Variants in RAB11FIP3 observed in about 807,000 individuals in gnomAD.
RAB11FIP3 encodes RAB11 family interacting protein 3.
RAB11FIP3 carries 17 observed loss-of-function variants against 77.8 expected under a neutral mutation model. The observed-to-expected ratio is 0.22, with a 90% CI of 0.15 to 0.33. The LOEUF is 0.33. Ranked by LOEUF, RAB11FIP3 falls within the 10% of genes least tolerant of loss-of-function variation. The pLI is 1.00. For missense variants in RAB11FIP3, 1,005 were observed against 1,011.2 expected (o/e 0.99, Z 0.08); for synonymous variants, 437 against 448.2 (o/e 0.98, Z 0.31).
chr16:503,338 A>C (rs1486686433), intron 7 of RAB11FIP3, among the ~76,000 whole-genome samples: 1 of 152,174 alleles, frequency 6.6e-6, no homozygotes, highest in African/African-American at 2.4e-5. Flanking sequence ...AGCTGGGAGG[A>C]GTGGACTGGG....
chr16:457,981 T>A (rs1567367769), intron 1 of RAB11FIP3, among the ~76,000 whole-genome samples: 5 of 152,226 alleles, frequency 3.3e-5, no homozygotes. Flanking sequence ...ATGATGGACT[T>A]CCGAGGCTAG....
At chr16:480,232 T>G (rs2056007801) in intron 3 of RAB11FIP3, among the ~76,000 whole-genome samples, 1 of 133,812 alleles carries the variant, frequency 7.5e-6, no homozygotes, top group South Asian at 2.3e-4. Context: ...TTGCAGTGAC[T>G]GGAGATTGCA....
intron 3 of RAB11FIP3, among the ~76,000 whole-genome samples, chr16:477,809 A>G (rs1395362337): frequency 6.6e-6 from 1 of 152,230 alleles, no homozygotes; most frequent in Non-Finnish European, 1.5e-5. Flanking sequence ...TACACTTCAC[A>G]GCACTCCCTG....
At chr16:482,896 A>T (rs1264163583) in intron 4 of RAB11FIP3, among the ~76,000 whole-genome samples, 160 bp downstream of exon 4, 1 of 152,188 alleles carries the variant, frequency 6.6e-6, no homozygotes, top group African/African-American at 2.4e-5. Flanking sequence ...CCTTCCTGGG[A>T]TGAGCCCACA....
intron 1 of RAB11FIP3, among the ~76,000 whole-genome samples, chr16:434,931 C>T (rs1326985592): frequency 1.3e-5 from 2 of 151,956 alleles, no homozygotes; most frequent in Admixed American, 6.6e-5. Context: ...TTAGACCAGG[C>T]GCGGTGGCTC....
intron 3 of RAB11FIP3, among the ~76,000 whole-genome samples, chr16:476,087 C>G (rs901250077): frequency 3.3e-5 from 5 of 152,188 alleles, no homozygotes; most frequent in Non-Finnish European, 5.9e-5. Flanking sequence ...AACTCCTGGC[C>G]TCAAGTGATT....
chr16:445,651 G>A (rs2055303634), intron 1 of RAB11FIP3, among the ~76,000 whole-genome samples: 1 of 152,164 alleles, frequency 6.6e-6, no homozygotes, highest in Admixed American at 6.6e-5. Context: ...GGCCCACAGA[G>A]ACTGGGTTGC....
rs371090543 is a variant in RAB11FIP3, at chr16:438,490, C to A, written c.714+11770C>A. 2.5e-4 allele frequency among the ~76,000 whole-genome samples: 37 copies of A among 150,256 alleles called. No individual in the cohort carries two copies. In the South Asian group the frequency reaches 7.8e-3, roughly 32 times the overall value. On this transcript the variant is annotated intron_variant, in intron 1 of 13. Coordinates refer to ENST00000262305, the MANE Select transcript of RAB11FIP3 (RefSeq NM_014700.4). Reference sequence around the variant, plus strand: ...GCACTATCTCAGCTCACTGCAACCTCCGCTTCCAGGGTTCAAGTAATTCTC... The same window carrying A: ...GCACTATCTCAGCTCACTGCAACCTACGCTTCCAGGGTTCAAGTAATTCTC...
chr16:436,596 C>CT (rs1244885460), intron 1 of RAB11FIP3, among the ~76,000 whole-genome samples: 4 of 152,142 alleles, frequency 2.6e-5, no homozygotes, highest in African/African-American at 9.7e-5. Flanking sequence ...ATTCTCCTGC[C>CT]TCAGCCTCCT....
intron 1 of RAB11FIP3, among the ~76,000 whole-genome samples, chr16:428,503 C>T (rs140787402): frequency 1.3e-5 from 2 of 152,244 alleles, no homozygotes; most frequent in East Asian, 3.9e-4. Context: ...TAACCCAACT[C>T]TTGATAGAGA....
intron 2 of RAB11FIP3, among the ~76,000 whole-genome samples, chr16:464,811 G>A (rs2055674198): frequency 6.6e-6 from 1 of 152,196 alleles, no homozygotes; most frequent in Admixed American, 6.5e-5. Flanking sequence ...GAGCATCCCA[G>A]GAGGTGGAGG....
intron 1 of RAB11FIP3, among the ~76,000 whole-genome samples, chr16:432,979 G>T (rs2055062822): frequency 7.0e-6 from 1 of 143,830 alleles, no homozygotes. Context: ...TTTGTTACAG[G>T]CATACACTGT....
rs927444962 is a variant in RAB11FIP3 at position 425,802 on chromosome 16, C to G, written c.-205C>G. 3.0e-6 allele frequency: 1 copy of G among 331,336 alleles called. No homozygotes were observed. Among genetic ancestry groups the G allele is most frequent in the Non-Finnish European group, 5.5e-6 (1 of 183,154 alleles). 20.5% of individuals were successfully genotyped at this position (331,336 alleles called of 1,614,324 possible). On this transcript the variant is annotated 5_prime_UTR_variant, in exon 1 of 14. Transcript: ENST00000262305. ...GCCGCCCCGCCGCCATGGGCCTGCG[C>G]CCGCCGCGCCGCCGGGCCGAGGGCA...
At chr16:478,155 C>G (rs746650877) in intron 3 of RAB11FIP3, among the ~76,000 whole-genome samples, 2 of 152,060 alleles carry the variant, frequency 1.3e-5, no homozygotes, top group African/African-American at 2.4e-5. Flanking sequence ...GGGGTGGGAC[C>G]CTCTGGTAGC....
intron 2 of RAB11FIP3, among the ~76,000 whole-genome samples, chr16:463,924 G>A (rs1020984853): frequency 5.3e-5 from 8 of 152,312 alleles, no homozygotes; most frequent in South Asian, 4.1e-4. Context: ...GTAGCAGGCC[G>A]GGGGTGAGAT....
intron 5 of RAB11FIP3, among the ~76,000 whole-genome samples, chr16:492,501 A>AGGCC: frequency 9.4e-6 from 1 of 106,408 alleles, no homozygotes; most frequent in Admixed American, 9.5e-5. Flanking sequence ...GGGAGACCCG[A>AGGCC]GGCCGCCCAG....
Position 430,309 on chromosome 16 carries a change from TG to T in RAB11FIP3, c.714+3590del, listed in dbSNP as rs2055016080. ...AGAAAGGATTACTTTAATTTTGTTT[TG>T]TTTTTAAAGATTATAACTGTAATTT... On this transcript the variant is annotated intron_variant, in intron 1 of 13. Coordinates refer to ENST00000262305, the MANE Select transcript of RAB11FIP3 (RefSeq NM_014700.4). Among the ~76,000 whole-genome samples, 3 of 152,286 alleles carry T rather than the reference TG, an allele frequency of 2.0e-5. No homozygotes were observed. The Middle Eastern group carries it at 0.01, about 518-fold the overall frequency.
At chr16:467,503 C>T (rs1401650857) in intron 2 of RAB11FIP3, among the ~76,000 whole-genome samples, 2 of 127,528 alleles carry the variant, frequency 1.6e-5, no homozygotes, top group Non-Finnish European at 3.3e-5. Context: ...GGTGCAGGGG[C>T]GTCAGGGAGG....
intron 1 of RAB11FIP3, among the ~76,000 whole-genome samples, chr16:432,587 G>GTTTTT (rs775298981): frequency 1.8e-5 from 2 of 111,300 alleles, no homozygotes; most frequent in Non-Finnish European, 1.8e-5. Flanking sequence ...TTTTGACCTG[G>GTTTTT]TTTTTTTTTT....
Sources: gnomAD v4.1 joint callset for allele counts (sites outside exome capture counted in the v4.1 genomes callset) on GRCh38, gnomAD v4.1.1 for gene constraint, MANE v1.5 for transcripts, NCBI Gene and HGNC (gene_info 2026-07-23, HGNC 2026-07-21) for gene names.